The following MRPS6 variants were observed in gnomAD, a reference collection of about 807,000 sequenced individuals.
MRPS6 encodes mitochondrial ribosomal protein S6.
Under a neutral mutation model 13.1 loss-of-function variants are expected in MRPS6, and 6 were observed. The ratio of observed to expected loss-of-function variants is 0.46; its 90% CI spans 0.25 to 0.91. The LOEUF (loss-of-function observed/expected upper bound fraction) is 0.91. Ranked by LOEUF, MRPS6 falls within the 40% of genes least tolerant of loss-of-function variation. The pLI, the probability that MRPS6 is intolerant of heterozygous loss-of-function variation, is 0.18. For synonymous variants in MRPS6, 61 were observed against 56.5 expected (o/e 1.08, Z -0.36); for missense variants, 164 against 155.6 (o/e 1.05, Z -0.29).
chr21:34,100,856 A>G, intron 1 of MRPS6: 2 of 1,000,200 alleles, frequency 2.0e-6, no homozygotes, highest in Non-Finnish European at 2.4e-6. Context: ...TTTACCACCA[A>G]ATAAAGCGGC....
rs370654397 is a variant in MRPS6, at chr21:34,142,434, C to G, written c.212C>G (p.Pro71Arg). Residue 71 changes from proline to arginine, a missense_variant, in exon 3 of 3, where the codon CCC becomes CGC. Physicochemically the swap from Pro to Arg is moderately radical, Grantham distance 103. Coordinates refer to ENST00000399312, the MANE Select transcript of MRPS6 (RefSeq NM_032476.4). ...GGYFLVDFYA[P>R]TAAVESMVEH... ...TATTTCTTGGTGGATTTTTATGCACCCACCGCAGCTGTTGAAAGCATGGTG... is the reference window on the plus strand; with the variant it reads ...TATTTCTTGGTGGATTTTTATGCACGCACCGCAGCTGTTGAAAGCATGGTG... 1.7e-4 allele frequency: 275 copies of G among 1,577,152 alleles called. No homozygotes were observed. The highest frequency in any genetic ancestry group is 2.3e-4 in the Non-Finnish European group (264 of 1,164,806).
chr21:34,139,051 T>C (rs916076756), intron 2 of MRPS6, among the ~76,000 whole-genome samples: 13 of 151,246 alleles, frequency 8.6e-5, no homozygotes, highest in African/African-American at 2.9e-4. Context: ...ACGGATGAAA[T>C]TGGAAATCAT....
intron 1 of MRPS6, chr21:34,100,920 C>T (rs1175471578): frequency 1.0e-6 from 1 of 1,000,054 alleles, no homozygotes; most frequent in East Asian, 1.1e-4. Flanking sequence ...CCTGTTCCTG[C>T]TTGGCAGTGT....
intron 1 of MRPS6, chr21:34,104,601 C>G: frequency 3.0e-6 from 3 of 1,000,058 alleles, no homozygotes; most frequent in Non-Finnish European, 3.6e-6. Flanking sequence ...AAGAGTTAAC[C>G]TGAACACTTT....
At chr21:34,128,764 C>T (rs761288179) in intron 2 of MRPS6, among the ~76,000 whole-genome samples, 67 of 152,146 alleles carry the variant, frequency 4.4e-4, no homozygotes, top group Non-Finnish European at 8.4e-4. Flanking sequence ...GGGAGTCATG[C>T]GTGTTCAGCT....
At position 34,096,403 on chromosome 21, in the gene MRPS6, C is replaced by G; in HGVS notation, c.45+22658C>G. ...GTGTACAAACTTATCCGCAAGAGCG[C>G]AAGCTCCCGGGAGTTAATGATTGTG... On this transcript the variant is annotated intron_variant, in intron 1 of 2. Coordinates refer to ENST00000399312, the MANE Select transcript of MRPS6 (RefSeq NM_032476.4). This position sits in a 1 kb window ranked among gnomAD's most constrained non-coding sequence, Gnocchi z 5.9. 2 of 1,614,226 alleles carry G rather than the reference C, an allele frequency of 1.2e-6. No individual in the cohort carries two copies. The highest frequency in any genetic ancestry group is 1.7e-6 in the Non-Finnish European group (2 of 1,180,026).
rs1016327545 is a variant in MRPS6 at position 34,099,143 on chromosome 21, T to C, written c.45+25398T>C. ...CTGAGTCTGTAAATGAAAAAATAAT[T>C]TATGTATGAATAGCATGTATTTCTG... On this transcript the variant is annotated intron_variant, in intron 1 of 2. Coordinates refer to ENST00000399312, the MANE Select transcript of MRPS6 (RefSeq NM_032476.4). 3.0e-6 allele frequency: 3 copies of C among 999,372 alleles called. No individual in the cohort carries two copies. In the African/African-American group the frequency reaches 5.2e-5, roughly 17 times the overall value. 61.9% of individuals were successfully genotyped at this position (999,372 alleles called of 1,614,324 possible).
At chr21:34,077,575 A>C (rs573034656) in intron 1 of MRPS6, among the ~76,000 whole-genome samples, 7 of 152,338 alleles carry the variant, frequency 4.6e-5, no homozygotes, top group African/African-American at 1.7e-4. Context: ...TAGCATTTAT[A>C]TATATATATC....
intron 1 of MRPS6, among the ~76,000 whole-genome samples, chr21:34,093,229 A>G (rs1978796752): frequency 6.6e-6 from 1 of 150,586 alleles, no homozygotes; most frequent in Non-Finnish European, 1.5e-5. Flanking sequence ...ACAAACCTCA[A>G]CTTTTAAGAT....
intron 1 of MRPS6, chr21:34,106,016 A>T: frequency 1.0e-6 from 1 of 994,514 alleles, no homozygotes; most frequent in African/African-American, 1.7e-5. Context: ...TGAAAAAAGC[A>T]TATCTGCTAA....
intron 2 of MRPS6, among the ~76,000 whole-genome samples, chr21:34,126,349 A>G (rs978656936): frequency 2.0e-5 from 3 of 152,226 alleles, no homozygotes; most frequent in Admixed American, 1.3e-4. Context: ...TTGTGCAGGT[A>G]CAGTACGTGT....
chr21:34,122,450 ACTG>A (rs2148668062), intron 1 of MRPS6: 1 of 152,256 alleles, frequency 6.6e-6, no homozygotes, highest in East Asian at 1.9e-4. Context: ...ACCTTGACAT[ACTG>A]AAGTCAAACA....
At chr21:34,135,788 T>A (rs770639230) in intron 2 of MRPS6, 1 of 515,350 alleles carries the variant, frequency 1.9e-6, no homozygotes, top group Non-Finnish European at 3.8e-6. Flanking sequence ...CGCACAGTCA[T>A]GAGCTTCTTG....
At chr21:34,104,928 A>G (rs1391416698) in intron 1 of MRPS6, 2 of 999,994 alleles carry the variant, frequency 2.0e-6, no homozygotes, top group Non-Finnish European at 2.4e-6. Context: ...TTCATGGAGA[A>G]CTGCTTTAAT....
At chr21:34,104,062 CA>C in intron 1 of MRPS6, 1 of 1,000,038 alleles carries the variant, frequency 1.0e-6, no homozygotes, top group Non-Finnish European at 1.2e-6. Context: ...TTTAACAGGG[CA>C]AATACTACTT....
intron 1 of MRPS6, among the ~76,000 whole-genome samples, chr21:34,081,186 TC>T (rs1989451041): frequency 1.3e-5 from 2 of 152,118 alleles, no homozygotes. Flanking sequence ...TTTTAAACTT[TC>T]CACTTTAATG....
At chr21:34,111,898 C>T (rs1412116484) in intron 1 of MRPS6, among the ~76,000 whole-genome samples, 1 of 150,126 alleles carries the variant, frequency 6.7e-6, no homozygotes, top group East Asian at 2.0e-4. Context: ...AGGAGTTGAA[C>T]ATCCATTTGG....
At chr21:34,095,525 G>A in intron 1 of MRPS6, 5 of 1,613,958 alleles carry the variant, frequency 3.1e-6, no homozygotes, top group Non-Finnish European at 4.2e-6. Context: ...TATATACCAT[G>A]CCTGAATACT....
In MRPS6 at chr21:34,125,456, ACAGT is replaced by A. The variant is rs1380388342; in HGVS notation, c.165_168del (p.Gln56SerfsTer30). 6.2e-7 allele frequency: 1 copy of A among 1,614,098 alleles called. No homozygotes were observed. Among genetic ancestry groups the A allele is most frequent in the Non-Finnish European group, 8.5e-7 (1 of 1,179,946 alleles). On this transcript the variant is annotated frameshift_variant, in exon 2 of 3. Transcript: ENST00000399312. LOFTEE classifies it high-confidence loss of function. ...GCGCTTCCTTATAGGATCTCTGCCC[ACAGT>A]CAGCAGCACAACAGAGGCGGGTAAG...
Sources: gnomAD v4.1 joint callset for allele counts (sites outside exome capture counted in the v4.1 genomes callset) on GRCh38, gnomAD v4.1.1 for gene constraint, Gnocchi (gnomAD v3.1) non-coding constraint, MANE v1.5 for transcripts, NCBI Gene and HGNC (gene_info 2026-07-23, HGNC 2026-07-21) for gene names.